PTPRF: variants seen among roughly 807,000 people sequenced by gnomAD.
PTPRF encodes receptor-type tyrosine-protein phosphatase F.
In PTPRF, 59 loss-of-function variants were observed where a neutral mutation model predicts 201.8. The observed-to-expected ratio is 0.29, with a 90% CI of 0.24 to 0.36. PTPRF has a LOEUF of 0.36. Ranked by LOEUF, PTPRF falls within the 10% of genes least tolerant of loss-of-function variation. PTPRF has a pLI of 1.00. For synonymous variants in PTPRF, 1,088 were observed against 1,089.7 expected, an observed-to-expected ratio of 1.00 and a Z score of 0.03; for missense variants, 2,132 against 2,690.5, an observed-to-expected ratio of 0.79 and a Z score of 4.59.
intron 14 of PTPRF, 98 bp downstream of exon 14, chr1:43,602,195 A>G (rs893474122): frequency 3.1e-5 from 44 of 1,421,042 alleles, no homozygotes; most frequent in Admixed American, 8.5e-5. Flanking sequence ...TGCACTGCCA[A>G]GATCCACAGG....
chr1:43,591,586 A>G (rs2304353), intron 9 of PTPRF, 33 bp downstream of exon 9: 474,018 of 1,521,874 alleles, frequency 0.31, 76,707 homozygotes, highest in East Asian at 0.42. Context: ...GGCAGCCAAC[A>G]GCAGAGAAGG....
chr1:43,522,959 G>C (rs1377104405), upstream of PTPRF, among the ~76,000 whole-genome samples: 1 of 152,186 alleles, frequency 6.6e-6, no homozygotes, highest in Non-Finnish European at 1.5e-5. Flanking sequence ...AGATGGGGGA[G>C]GGGCAGAGCA....
intron 7 of PTPRF, among the ~76,000 whole-genome samples, chr1:43,585,014 G>T (rs1648758249): frequency 6.6e-6 from 1 of 152,196 alleles, no homozygotes; most frequent in Admixed American, 6.5e-5. Flanking sequence ...GAAATGGCAG[G>T]GCCCTGTTTT....
chr1:43,609,223 T>C (rs1294022151), intron 21 of PTPRF, among the ~76,000 whole-genome samples, 160 bp from the exon 22 acceptor site: 3 of 152,142 alleles, frequency 2.0e-5, no homozygotes, highest in African/African-American at 7.2e-5. Context: ...TCAAGGCTGT[T>C]CTGGCCCTGG....
chr1:43,584,622 T>C (rs1332058542), intron 7 of PTPRF, among the ~76,000 whole-genome samples: 1 of 152,226 alleles, frequency 6.6e-6, no homozygotes, highest in East Asian at 1.9e-4. Flanking sequence ...AGACATGAGT[T>C]TCTAAATATT....
intron 5 of PTPRF, among the ~76,000 whole-genome samples, chr1:43,556,545 G>A (rs761719763): frequency 1.3e-5 from 2 of 152,196 alleles, no homozygotes; most frequent in South Asian, 2.1e-4. Flanking sequence ...GAGGCACTGC[G>A]TCCAGTGTCG....
intron 19 of PTPRF, 118 bp from the exon 20 acceptor site, chr1:43,606,122 T>A: frequency 8.8e-7 from 1 of 1,134,302 alleles, no homozygotes; most frequent in Non-Finnish European, 1.2e-6. Flanking sequence ...AGGTGTGGGC[T>A]CTGACACGGA....
At chr1:43,586,904 C>T (rs1649298945) in intron 7 of PTPRF, among the ~76,000 whole-genome samples, 1 of 152,174 alleles carries the variant, frequency 6.6e-6, no homozygotes, top group Non-Finnish European at 1.5e-5. Flanking sequence ...GGGTCACACA[C>T]CCCATGTATG....
In PTPRF at chr1:43,588,626, G is replaced by T; in HGVS notation, c.680-105G>T. 6.9e-7 allele frequency: 1 copy of T among 1,444,828 alleles called. No homozygotes were observed. Among genetic ancestry groups the T allele is most frequent in the Non-Finnish European group, 9.3e-7 (1 of 1,071,196 alleles). 89.5% of individuals were successfully genotyped at this position (1,444,828 alleles called of 1,614,324 possible). A position where few individuals can be genotyped will look rare whatever the true frequency, so the allele number is the denominator to read the frequency against. ...GCCACCCCTCCTGTCTCTGAGCATGGGTTTGGCTCTGACCAGAGGGGCTTC... is the reference window on the plus strand; with the variant it reads ...GCCACCCCTCCTGTCTCTGAGCATGTGTTTGGCTCTGACCAGAGGGGCTTC... On this transcript the variant is annotated intron_variant, in intron 7 of 33. Transcript: ENST00000359947. The surrounding 1 kb of genome is among the most constrained non-coding windows in gnomAD (Gnocchi z 5.3).
chr1:43,601,044 C>A (rs1653629897), intron 13 of PTPRF, among the ~76,000 whole-genome samples: 1 of 152,192 alleles, frequency 6.6e-6, no homozygotes, highest in African/African-American at 2.4e-5. Context: ...AAGGACCTGT[C>A]CAGAGTCTCC....
chr1:43,614,749 G>A (rs75443711), intron 23 of PTPRF, among the ~76,000 whole-genome samples: 1 of 152,122 alleles, frequency 6.6e-6, no homozygotes. Context: ...TATTTGTGAG[G>A]GCTGAGGCAG....
At chr1:43,559,144 T>C (rs1411747804) in intron 5 of PTPRF, among the ~76,000 whole-genome samples, 4 of 152,172 alleles carry the variant, frequency 2.6e-5, no homozygotes, top group Admixed American at 6.5e-5. Context: ...CTGTGTGCCA[T>C]GTTTAAGGCA....
chr1:43,525,285 G>C (rs1570806132), upstream of PTPRF: 2 of 152,786 alleles, frequency 1.3e-5, no homozygotes, highest in East Asian at 1.9e-4. Context: ...GCAGTTTTGG[G>C]AGAGGACAGG....
At chr1:43,601,962 A>G (rs1653854462) in intron 13 of PTPRF, 109 bp from the exon 14 acceptor site, 10 of 1,353,864 alleles carry the variant, frequency 7.4e-6, no homozygotes, top group Non-Finnish European at 1.1e-5. Context: ...TTGAGGCCCA[A>G]AAGCCCTCCC....
At chr1:43,565,677 TGCAGG>T (rs1320844693) in intron 5 of PTPRF, among the ~76,000 whole-genome samples, 1 of 152,146 alleles carries the variant, frequency 6.6e-6, no homozygotes, top group Non-Finnish European at 1.5e-5. Context: ...CCCCGCACTG[TGCAGG>T]GCACCCGGTT....
rs371665843 is a variant in PTPRF, at chr1:43,618,581, G to A, written c.4372-49G>A. The A allele has an allele frequency of 5.8e-5, 91 of 1,571,120 alleles. No homozygotes were observed. In the African/African-American group the frequency reaches 6.5e-4, roughly 11 times the overall value. ...ACCAGCCTCCACCCTGCTTCTGCCC[G>A]TCTGAGCCTGTGGGCTTCCTTCAGC... is the stretch of plus-strand genomic sequence containing the variant. On this transcript the variant is annotated intron_variant, in intron 25 of 33. Coordinates refer to ENST00000359947, the MANE Select transcript of PTPRF (RefSeq NM_002840.5).
intron 21 of PTPRF, among the ~76,000 whole-genome samples, chr1:43,607,914 A>G (rs184937836): frequency 1.3e-5 from 2 of 152,358 alleles, no homozygotes; most frequent in Admixed American, 1.3e-4. Context: ...CCTGTGTGCC[A>G]AGCCTTCAGC....
chr1:43,590,035 T>C lies in PTPRF; in HGVS notation c.950-937T>C, dbSNP rs940496546. Among the ~76,000 whole-genome samples the C allele has an allele frequency of 3.3e-5, 5 of 152,286 alleles. No individual in the cohort carries two copies. In the South Asian group the frequency reaches 6.2e-4, roughly 19 times the overall value. On this transcript the variant is annotated intron_variant, in intron 8 of 33. Coordinates refer to ENST00000359947, the MANE Select transcript of PTPRF (RefSeq NM_002840.5). ...CACCTTCCAGTGGCTTCCCGTTGTT[T>C]TAGGATACAGATCAGGATCCTCACT...
rs140162871 is a variant in PTPRF, at chr1:43,590,100, G to A, written c.950-872G>A. On this transcript the variant is annotated intron_variant, in intron 8 of 33. Transcript: ENST00000359947. ...CCACTGGCTTCCCACCCTGTCACGC[G>A]CCAGCTGTCCAGACACATGCTGCTT... 5.4e-3 allele frequency among the ~76,000 whole-genome samples: 819 copies of A among 152,190 alleles called. 10 individuals are homozygous for A. The highest frequency in any genetic ancestry group is 0.019 in the African/African-American group (770 of 41,512).
Sources: gnomAD v4.1 joint callset for allele counts (sites outside exome capture counted in the v4.1 genomes callset) on GRCh38, gnomAD v4.1.1 for gene constraint, Gnocchi (gnomAD v3.1) non-coding constraint, MANE v1.5 for transcripts, NCBI Gene and HGNC (gene_info 2026-07-23, HGNC 2026-07-21) for gene names.